The following PTPRD variants were observed in gnomAD, a reference collection of about 807,000 sequenced individuals.
PTPRD encodes receptor-type tyrosine-protein phosphatase delta.
In PTPRD, 34 loss-of-function variants were observed where a neutral mutation model predicts 214.5. That is an observed-to-expected ratio of 0.16 (90% confidence interval 0.12 to 0.21). The LOEUF is 0.21. PTPRD is among the 10% of genes least tolerant of loss of function. PTPRD has a pLI of 1.00. For missense variants in PTPRD, 2,545 were observed against 2,398.7 expected, an observed-to-expected ratio of 1.06 and a Z score of -1.27; for synonymous variants, 1,128 against 845.7, an observed-to-expected ratio of 1.33 and a Z score of -5.79.
intron 11 of PTPRD, among the ~76,000 whole-genome samples, chr9:8,999,057 G>A (rs1325968332): frequency 6.6e-6 from 1 of 152,050 alleles, no homozygotes; most frequent in Non-Finnish European, 1.5e-5. Context: ...GCATGAGACG[G>A]AATCTACTCC....
rs185912723 is a variant in PTPRD, at chr9:9,168,261, T to C, written c.-143+15043A>G. 9.3e-4 allele frequency among the ~76,000 whole-genome samples: 141 copies of C among 152,318 alleles called. 1 individual carries two copies. Among genetic ancestry groups the C allele is most frequent in the Admixed American group, 1.6e-3 (25 of 15,296 alleles). ...TTACTTACCCTTCTTCTAGACAGTT[T>C]AGATTGACATAAAATCCTCTACAGA... On this transcript the variant is annotated intron_variant, in intron 10 of 45. Transcript: ENST00000381196.
intron 6 of PTPRD, among the ~76,000 whole-genome samples, chr9:9,753,627 G>A (rs2098542682): frequency 6.6e-6 from 1 of 152,004 alleles, no homozygotes; most frequent in South Asian, 2.1e-4. Flanking sequence ...GGTGAGCTTA[G>A]GGTATGAAAG....
chr9:9,831,579 T>A (rs997984795), intron 5 of PTPRD, among the ~76,000 whole-genome samples: 2 of 152,098 alleles, frequency 1.3e-5, no homozygotes, highest in East Asian at 3.9e-4. Context: ...CTGTAGGAGT[T>A]GACTTGCAAC....
At chr9:10,532,186 T>C (rs1372016356) in intron 2 of PTPRD, 2 of 152,072 alleles carry the variant, frequency 1.3e-5, no homozygotes, top group Non-Finnish European at 2.9e-5. Context: ...CCAACTATGA[T>C]AAATTTATGT....
intron 3 of PTPRD, among the ~76,000 whole-genome samples, chr9:10,256,254 G>A (rs912110237): frequency 6.6e-6 from 1 of 151,990 alleles, no homozygotes; most frequent in Non-Finnish European, 1.5e-5. Context: ...TACAGGGTCA[G>A]TATCATCAAT....
chr9:8,388,360 C>T (rs1187464598), intron 37 of PTPRD, among the ~76,000 whole-genome samples: 1 of 152,152 alleles, frequency 6.6e-6, no homozygotes, highest in Admixed American at 6.6e-5. Flanking sequence ...GTAAAAGAGG[C>T]CTCTCACTTG....
chr9:9,762,758 T>A (rs1033697263), intron 6 of PTPRD, among the ~76,000 whole-genome samples: 1 of 152,226 alleles, frequency 6.6e-6, no homozygotes, highest in Non-Finnish European at 1.5e-5. Flanking sequence ...ATTATCAAGA[T>A]GTGAAGACAC....
At chr9:10,077,273 G>A (rs1193556400) in intron 3 of PTPRD, among the ~76,000 whole-genome samples, 1 of 152,022 alleles carries the variant, frequency 6.6e-6, no homozygotes, top group Non-Finnish European at 1.5e-5. Flanking sequence ...ATCTAAACAT[G>A]TTACTTTTCT....
At position 9,900,641 on chromosome 9, in the gene PTPRD, G is replaced by GTTTTTTTTTTTGTTTTT. The variant is rs367877727; in HGVS notation, c.-368+37865_-368+37866insAAAAACAAAAAAAAAAA. ...TCCAAAGGTGCTTCCACATTTTCAG[G>GTTTTTTTTTTTGTTTTT]TTTTTTTTTTTTTTGAGATGGAGTC... On this transcript the variant is annotated intron_variant, in intron 5 of 45. Transcript: ENST00000381196. 4.4e-4 allele frequency among the ~76,000 whole-genome samples: 53 copies of GTTTTTTTTTTTGTTTTT among 120,102 alleles called. 3 individuals carry two copies. The highest frequency in any genetic ancestry group is 1.1e-3 in the African/African-American group (36 of 32,096). 78.8% of individuals were successfully genotyped at this position (120,102 alleles called of 152,430 possible). A position where few individuals can be genotyped will look rare whatever the true frequency, so the allele number is the denominator to read the frequency against.
rs201895275 is a variant in PTPRD, at chr9:8,869,732, G to GAAAA, written c.-103-135790_-103-135787dup. ...TTCTTTCTTCTGTACTTCTTAAAAGGAAAAAAAAAAAAAAAATCACAGGTG... is the reference window on the plus strand; with the variant it reads ...TTCTTTCTTCTGTACTTCTTAAAAGGAAAAAAAAAAAAAAAAAAAATCACAGGTG... On this transcript the variant is annotated intron_variant, in intron 11 of 45. Coordinates refer to ENST00000381196, the MANE Select transcript of PTPRD (RefSeq NM_002839.4). Among the ~76,000 whole-genome samples the GAAAA allele has an allele frequency of 7.3e-5, 10 of 136,062 alleles. No homozygotes were observed. In the East Asian group the frequency reaches 8.5e-4, roughly 12 times the overall value. 89.3% of individuals were successfully genotyped at this position (136,062 alleles called of 152,430 possible).
intron 5 of PTPRD, among the ~76,000 whole-genome samples, chr9:9,845,479 C>CGTGT (rs754067347): frequency 4.0e-4 from 61 of 151,440 alleles, no homozygotes; most frequent in Non-Finnish European, 6.8e-4. Context: ...TGAGCATATA[C>CGTGT]GTGTGTGTGT....
At chr9:10,306,280 GGGGGGCTA>G (rs1487550066) in intron 3 of PTPRD, among the ~76,000 whole-genome samples, 1 of 151,666 alleles carries the variant, frequency 6.6e-6, no homozygotes, top group Non-Finnish European at 1.5e-5. Flanking sequence ...CGTGGGGTGG[GGGGGGCTA>G]GGGGAGGGAT....
intron 5 of PTPRD, among the ~76,000 whole-genome samples, chr9:9,815,253 G>T (rs1565473023): frequency 6.6e-6 from 1 of 152,072 alleles, no homozygotes; most frequent in Admixed American, 6.6e-5. Context: ...GAGTGCCAAG[G>T]ATTCACAATG....
At chr9:10,241,086 C>G (rs2090949019) in intron 3 of PTPRD, among the ~76,000 whole-genome samples, 1 of 150,748 alleles carries the variant, frequency 6.6e-6, no homozygotes, top group Non-Finnish European at 1.5e-5. Context: ...TACAAATAAG[C>G]TCATAAAAAG....
intron 9 of PTPRD, among the ~76,000 whole-genome samples, chr9:9,236,992 C>G (rs2099967205): frequency 6.6e-6 from 1 of 152,082 alleles, no homozygotes; most frequent in Admixed American, 6.6e-5. Context: ...TAGTTTTTGT[C>G]TGGAATTACT....
At chr9:8,528,828 C>A (rs373726631) in intron 14 of PTPRD, 49 bp from the exon 15 acceptor site, 1 of 1,573,900 alleles carries the variant, frequency 6.4e-7, no homozygotes, top group South Asian at 1.1e-5. Context: ...GTCAGATGCT[C>A]CAAATTCAAG....
At chr9:9,545,928 T>C (rs907754871) in intron 8 of PTPRD, among the ~76,000 whole-genome samples, 7 of 151,848 alleles carry the variant, frequency 4.6e-5, no homozygotes, top group Non-Finnish European at 8.8e-5. Context: ...TTTATAAGTA[T>C]GGAATATCTT....
intron 35 of PTPRD, among the ~76,000 whole-genome samples, chr9:8,418,649 C>T (rs940282356): frequency 2.7e-5 from 4 of 150,420 alleles, no homozygotes; most frequent in Non-Finnish European, 4.4e-5. Flanking sequence ...TTATTTCTTT[C>T]GGAATTACAC....
At chr9:8,529,924 A>G (rs993974699) in intron 14 of PTPRD, among the ~76,000 whole-genome samples, 2 of 152,096 alleles carry the variant, frequency 1.3e-5, no homozygotes, top group South Asian at 2.1e-4. Flanking sequence ...TTTACTTCCA[A>G]TTGAGTCTGG....
Sources: allele counts gnomAD v4.1 joint callset (sites outside exome capture counted in the v4.1 genomes callset), GRCh38; gene constraint gnomAD v4.1.1; transcripts MANE v1.5; gene names NCBI Gene and HGNC (gene_info 2026-07-23, HGNC 2026-07-21).